Variants in CHD9 observed in about 807,000 individuals in gnomAD.
The protein encoded by CHD9 is chromodomain helicase DNA binding protein 9.
In CHD9, 77 loss-of-function variants were observed where a neutral mutation model predicts 316.1. The ratio of observed to expected loss-of-function variants is 0.24; its 90% confidence interval spans 0.20 to 0.29. CHD9 has a LOEUF of 0.29. Ranked by LOEUF, CHD9 falls within the 10% of genes least tolerant of loss-of-function variation. CHD9 has a pLI of 1.00. For missense variants in CHD9, 2,763 were observed against 3,438.1 expected (o/e 0.80, Z 4.91); for synonymous variants, 1,129 against 1,158.3 (o/e 0.97, Z 0.51).
chr16:53,145,583 G>A (rs888547002), intron 1 of CHD9, among the ~76,000 whole-genome samples: 1 of 151,806 alleles, frequency 6.6e-6, no homozygotes, highest in Non-Finnish European at 1.5e-5. Flanking sequence ...GAGGGCACCT[G>A]TAATCCCAGC....
At chr16:53,157,693 T>G (rs912250949) in intron 2 of CHD9, among the ~76,000 whole-genome samples, 152 bp downstream of exon 2, 1 of 152,236 alleles carries the variant, frequency 6.6e-6, no homozygotes, top group Admixed American at 6.5e-5. Context: ...TTATATTGTT[T>G]TACAAGTCTT....
At chr16:53,097,274 C>A (rs937785137) in intron 1 of CHD9, among the ~76,000 whole-genome samples, 3 of 152,202 alleles carry the variant, frequency 2.0e-5, no homozygotes, top group African/African-American at 4.8e-5. Flanking sequence ...TGAGAACTCT[C>A]GCTGTGAGAG....
intron 1 of CHD9, among the ~76,000 whole-genome samples, chr16:53,138,873 A>G (rs2039900658): frequency 6.6e-6 from 1 of 152,240 alleles, no homozygotes; most frequent in South Asian, 2.1e-4. Context: ...ATTGAATGGA[A>G]GAATAGAAAT....
chr16:53,259,627 C>T (rs950699781), intron 19 of CHD9, among the ~76,000 whole-genome samples: 4 of 152,170 alleles, frequency 2.6e-5, no homozygotes, highest in Non-Finnish European at 2.9e-5. Flanking sequence ...ATCCTCCTGC[C>T]GCAGCCTCCC....
In CHD9 at chr16:53,307,817, C is replaced by G. The variant is rs1421550034; in HGVS notation, c.6917C>G (p.Ala2306Gly). The G allele has an allele frequency of 6.2e-7, 1 of 1,613,666 alleles. No individual in the cohort carries two copies. Among genetic ancestry groups the G allele is most frequent in the African/African-American group, 1.3e-5 (1 of 75,030 alleles). ...YTTKLLDSPG[A>G]ATEYSDPSVP... ...ACAAAACTGCTGGACAGCCCTGGAG[C>G]AGCTACAGAATACAGCGATCCCAGT... Residue 2306 changes from alanine (A) to glycine (G), a missense_variant, in exon 33 of 39, where the codon GCA (alanine) becomes GGA (glycine). Transcript: ENST00000447540.
chr16:53,117,979 C>A (rs1567341581), intron 1 of CHD9, among the ~76,000 whole-genome samples: 1 of 152,028 alleles, frequency 6.6e-6, no homozygotes, highest in South Asian at 2.1e-4. Context: ...GCACCCGCCA[C>A]CACGCCCAGC....
intron 1 of CHD9, among the ~76,000 whole-genome samples, chr16:53,126,314 T>C (rs2038966344): frequency 6.6e-6 from 1 of 152,228 alleles, no homozygotes; most frequent in South Asian, 2.1e-4. Flanking sequence ...TTTCCCAATC[T>C]AAATGTCTTG....
intron 1 of CHD9, among the ~76,000 whole-genome samples, chr16:53,123,490 T>A (rs1442970516): frequency 6.6e-6 from 1 of 152,100 alleles, no homozygotes; most frequent in East Asian, 1.9e-4. Flanking sequence ...TTTTATTTTT[T>A]AATTTTCATT....
chr16:53,170,039 G>GTTTTTTTTTTTTTTTTTTTTTTT (rs11434728), intron 2 of CHD9, among the ~76,000 whole-genome samples: 1 of 145,940 alleles, frequency 6.9e-6, no homozygotes. Context: ...AGGTTAAGCA[G>GTTTTTTTTTTTTTTTTTTTTTTT]TTTTTTTTTG....
At chr16:53,085,854 G>A (rs955456348) in intron 1 of CHD9, among the ~76,000 whole-genome samples, 2 of 152,118 alleles carry the variant, frequency 1.3e-5, no homozygotes, top group Non-Finnish European at 2.9e-5. Context: ...GGTTATTGAG[G>A]TGTGTTCTCC....
chr16:53,268,567 G>A (rs1011242336), intron 22 of CHD9, among the ~76,000 whole-genome samples: 1 of 152,110 alleles, frequency 6.6e-6, no homozygotes, highest in Non-Finnish European at 1.5e-5. Flanking sequence ...TTTCACTAAA[G>A]TAGATATCAA....
chr16:53,302,781 G>GGC (rs1372080345), intron 30 of CHD9, among the ~76,000 whole-genome samples: 3 of 152,084 alleles, frequency 2.0e-5, no homozygotes, highest in Non-Finnish European at 2.9e-5. Context: ...TGCTCAGATT[G>GGC]TTCCATATTT....
chr16:53,306,765 G>A (rs2153086167), intron 32 of CHD9, among the ~76,000 whole-genome samples: 1 of 151,638 alleles, frequency 6.6e-6, no homozygotes, highest in East Asian at 1.9e-4. Context: ...AGTGGAAGAA[G>A]AAAGATTGAA....
At chr16:53,111,956 A>T (rs1173827821) in intron 1 of CHD9, among the ~76,000 whole-genome samples, 1 of 152,194 alleles carries the variant, frequency 6.6e-6, no homozygotes, top group African/African-American at 2.4e-5. Flanking sequence ...TGCAGAGAAG[A>T]TATCTTTGTC....
At chr16:53,092,562 T>C (rs2036038897) in intron 1 of CHD9, among the ~76,000 whole-genome samples, 1 of 152,030 alleles carries the variant, frequency 6.6e-6, no homozygotes, top group Non-Finnish European at 1.5e-5. Flanking sequence ...CAGTTCTCAG[T>C]AAAAACAGTC....
At chr16:53,256,074 C>G (rs903784986) in intron 19 of CHD9, among the ~76,000 whole-genome samples, 3 of 152,040 alleles carry the variant, frequency 2.0e-5, no homozygotes, top group African/African-American at 7.2e-5. Context: ...AAAGGCAGAA[C>G]AAAATGTAAG....
intron 1 of CHD9, among the ~76,000 whole-genome samples, chr16:53,133,518 C>A (rs1392505454): frequency 6.6e-6 from 1 of 152,094 alleles, no homozygotes; most frequent in Non-Finnish European, 1.5e-5. Context: ...TAGAGAGAAT[C>A]GGGACTTTGT....
chr16:53,209,502 C>T lies in CHD9; in HGVS notation c.1473C>T (p.Ser491=), dbSNP rs1292470317. The change falls in exon 3 of 39, where the codon AGC becomes AGT. Residue 491 remains serine (S), a synonymous_variant. Transcript: ENST00000447540. ...LQRQPPSSKK[S]DGSGTYTKLQ... is the part of the protein sequence containing the mutation. ...TGTAGCCTCCATCTTCCAAGAAGAG[C>T]GATGGTTCTGGGACATATACTAAGT... is the stretch of plus-strand genomic sequence containing the variant. The T allele has an allele frequency of 3.1e-6, 5 of 1,602,406 alleles. No homozygotes were observed. The highest frequency in any genetic ancestry group is 4.5e-5 in the East Asian group (2 of 44,732).
chr16:53,145,231 A>G (rs913151227), intron 1 of CHD9, among the ~76,000 whole-genome samples: 5 of 151,000 alleles, frequency 3.3e-5, no homozygotes, highest in Non-Finnish European at 7.4e-5. Flanking sequence ...AGCTCACTGC[A>G]ACCTCCGCCT....
Sources: gnomAD v4.1 joint callset for allele counts (sites outside exome capture counted in the v4.1 genomes callset) on GRCh38, gnomAD v4.1.1 for gene constraint, MANE v1.5 for transcripts, NCBI Gene and HGNC (gene_info 2026-07-23, HGNC 2026-07-21) for gene names.